The following ALKBH8 variants were observed in gnomAD, a reference collection of about 807,000 sequenced individuals.
The protein encoded by ALKBH8 is alkB homolog 8, tRNA methyltransferase, also known as tRNA (carboxymethyluridine(34)-5-O)-methyltransferase ALKBH8.
In ALKBH8, 36 loss-of-function variants were observed where a neutral mutation model predicts 59.8. The ratio of observed to expected loss-of-function variants is 0.60; its 90% CI spans 0.46 to 0.79. The LOEUF (loss-of-function observed/expected upper bound fraction) is 0.79, where lower values mean the gene tolerates loss of function less well. Among genes scored for constraint, ALKBH8 ranks in the 30% least tolerant of loss-of-function variants. The probability of loss-of-function intolerance (pLI) is 0.00; values close to 1 mark genes in which losing one functional copy is unlikely to be tolerated. For synonymous variants in ALKBH8, 276 were observed against 273.6 expected, an observed-to-expected ratio of 1.01 and a Z score of -0.09; for missense variants, 768 against 801.0, an observed-to-expected ratio of 0.96 and a Z score of 0.50.
chr11:107,544,093 T>A (rs1864155185), intron 7 of ALKBH8, among the ~76,000 whole-genome samples: 1 of 152,222 alleles, frequency 6.6e-6, no homozygotes, highest in South Asian at 2.1e-4. Flanking sequence ...TCTACTGTAG[T>A]TTTCTGAACT....
rs114284050 is a variant in ALKBH8 at position 107,505,610 on chromosome 11, C to T, written c.1438-395G>A. ...ATACTATGGAGACTTCTACTTATAG[C>T]CTTGACGAAGTTGTTTGTATTAATT... On this transcript the variant is annotated intron_variant, in intron 11 of 11. Transcript: ENST00000428149. Among the ~76,000 whole-genome samples the T allele has an allele frequency of 3.9e-3, 596 of 152,276 alleles. 3 individuals carry two copies. Among genetic ancestry groups the T allele is most frequent in the African/African-American group, 0.013 (524 of 41,550 alleles).
chr11:107,508,037 A>G (rs1862463308), intron 11 of ALKBH8, among the ~76,000 whole-genome samples: 1 of 152,158 alleles, frequency 6.6e-6, no homozygotes, highest in Non-Finnish European at 1.5e-5. Context: ...CAACACATAA[A>G]TCCAACAAAT....
intron 7 of ALKBH8, among the ~76,000 whole-genome samples, chr11:107,533,895 G>A (rs1353574930): frequency 2.0e-5 from 3 of 152,096 alleles, no homozygotes; most frequent in Non-Finnish European, 2.9e-5. Flanking sequence ...TTGGGAGGCC[G>A]AGGTGGGCAG....
intron 7 of ALKBH8, among the ~76,000 whole-genome samples, chr11:107,539,666 G>C (rs1460189378): frequency 6.6e-6 from 1 of 151,776 alleles, no homozygotes. Flanking sequence ...ATTCCTACTG[G>C]TAAGGGATGT....
intron 7 of ALKBH8, among the ~76,000 whole-genome samples, chr11:107,533,914 A>C (rs1246161905): frequency 6.6e-6 from 1 of 152,166 alleles, no homozygotes; most frequent in Non-Finnish European, 1.5e-5. Context: ...AGACCACTTG[A>C]GGTCAGGAGT....
intron 3 of ALKBH8, among the ~76,000 whole-genome samples, chr11:107,554,877 C>T (rs373213886): frequency 6.6e-5 from 10 of 152,040 alleles, no homozygotes; most frequent in African/African-American, 2.2e-4. Flanking sequence ...ATTTAGTTTC[C>T]GAAATATGTT....
intron 11 of ALKBH8, among the ~76,000 whole-genome samples, chr11:107,508,112 G>T (rs1862467870): frequency 6.6e-6 from 1 of 151,538 alleles, no homozygotes; most frequent in Admixed American, 6.6e-5. Context: ...CAGGGACTGG[G>T]TCTTCTCCAT....
intron 10 of ALKBH8, among the ~76,000 whole-genome samples, chr11:107,521,640 T>C (rs1261704112): frequency 6.6e-6 from 1 of 152,068 alleles, no homozygotes; most frequent in Non-Finnish European, 1.5e-5. Flanking sequence ...AATATCCTAC[T>C]TCTTAGCACA....
At chr11:107,555,994 A>T (rs1194542404) in intron 3 of ALKBH8, among the ~76,000 whole-genome samples, 1 of 152,160 alleles carries the variant, frequency 6.6e-6, no homozygotes, top group African/African-American at 2.4e-5. Flanking sequence ...AAGTTTTAGG[A>T]ATCAGCCGGG....
At position 107,504,725 on chromosome 11, in the gene ALKBH8, C is replaced by G; in HGVS notation, c.1928G>C (p.Ser643Thr). The change falls in exon 12 of 12, where the codon AGT becomes ACT. Residue 643 changes from serine to threonine, a missense_variant. Coordinates refer to ENST00000428149, the MANE Select transcript of ALKBH8 (RefSeq NM_138775.3). Reference sequence around the variant, plus strand: ...GTAGCTTTGCAGAATTCTGACATCACTCACAGTCCTGCAGGCACCTTCCAG... The same window carrying G: ...GTAGCTTTGCAGAATTCTGACATCAGTCACAGTCCTGCAGGCACCTTCCAG... ...GELEGACRTVSDVRILQSYYD... is the reference protein window; with the variant it reads ...GELEGACRTVTDVRILQSYYD... 2.6e-6 allele frequency: 4 copies of G among 1,551,824 alleles called. No individual in the cohort carries two copies. The South Asian group carries it at 4.8e-5, about 18-fold the overall frequency.
chr11:107,510,316 A>C (rs1316150159), intron 11 of ALKBH8, among the ~76,000 whole-genome samples: 1 of 152,150 alleles, frequency 6.6e-6, no homozygotes, highest in African/African-American at 2.4e-5. Flanking sequence ...GAAAGAAAAT[A>C]TTAAATATTA....
In ALKBH8 at chr11:107,548,894, G is replaced by A. The variant is rs545900946; in HGVS notation, c.771+859C>T. On this transcript the variant is annotated intron_variant, in intron 7 of 11. Transcript: ENST00000428149. The stretch of plus-strand genomic sequence containing the variant: ...GAGTCAGAGTCTCACTCTGTCACCC[G>A]GGCTGGAGTGCAGTGGCGCAATCTC... Among the ~76,000 whole-genome samples the A allele has an allele frequency of 1.1e-4, 17 of 150,360 alleles. No homozygotes were observed. In the East Asian group the frequency reaches 2.2e-3, roughly 19 times the overall value.
chr11:107,546,625 T>A (rs941489596), intron 7 of ALKBH8, among the ~76,000 whole-genome samples: 5 of 152,184 alleles, frequency 3.3e-5, no homozygotes, highest in Non-Finnish European at 7.4e-5. Flanking sequence ...CCTTGAGATA[T>A]CTTGTTATAT....
intron 3 of ALKBH8, 50 bp downstream of exon 3, chr11:107,556,716 A>G: frequency 2.3e-6 from 3 of 1,294,310 alleles, no homozygotes; most frequent in Non-Finnish European, 3.0e-6. Flanking sequence ...GTCTATGAAA[A>G]GAAAACACCC....
chr11:107,511,242 A>G lies in ALKBH8; in HGVS notation c.1288-206T>C, dbSNP rs141123067. On this transcript the variant is annotated intron_variant, in intron 10 of 11. Transcript: ENST00000428149. ...GGCAGCATTTATTACCTTAACAGAT[A>G]TCAAACAGAACTCCAATTAGTGAAA... Among the ~76,000 whole-genome samples the G allele has an allele frequency of 1.7e-3, 265 of 152,356 alleles. 1 individual carries two copies. The highest frequency in any genetic ancestry group is 3.7e-3 in the South Asian group (18 of 4,828).
At chr11:107,542,168 G>C (rs1864063884) in intron 7 of ALKBH8, among the ~76,000 whole-genome samples, 1 of 152,014 alleles carries the variant, frequency 6.6e-6, no homozygotes, top group African/African-American at 2.4e-5. Context: ...CAATTACTAA[G>C]CATTTTCCAA....
Position 107,554,805 on chromosome 11 carries a change from T to C in ALKBH8, c.368-827A>G, listed in dbSNP as rs191071959. ...GACATTATATTATGTATTCAAATTA[T>C]GTAAGGAAAACTTTGCAAAGAATTC... On this transcript the variant is annotated intron_variant, in intron 3 of 11. Coordinates refer to ENST00000428149, the MANE Select transcript of ALKBH8 (RefSeq NM_138775.3). 2.8e-3 allele frequency among the ~76,000 whole-genome samples: 420 copies of C among 152,362 alleles called. 4 individuals are homozygous for C. Among genetic ancestry groups the C allele is most frequent in the African/African-American group, 9.6e-3 (401 of 41,584 alleles).
In ALKBH8 at chr11:107,532,292, A is replaced by G. The variant is rs1391850179; in HGVS notation, c.878+8T>C. 3 of 1,606,950 alleles carry G rather than the reference A, an allele frequency of 1.9e-6. No homozygotes were observed. Among genetic ancestry groups the G allele is most frequent in the Non-Finnish European group, 2.6e-6 (3 of 1,174,654 alleles). ...AGAAAAAGAATCCTGTCATATTTCA[A>G]TACATACCCATGGGTCCAAAGGTAT... On this transcript the variant is annotated splice_region_variant and intron_variant, in intron 8 of 11. Coordinates refer to ENST00000428149, the MANE Select transcript of ALKBH8 (RefSeq NM_138775.3).
At chr11:107,561,040 TAAGAG>T (rs1864917402) in intron 1 of ALKBH8, 141 bp from the exon 2 acceptor site, 1 of 664,042 alleles carries the variant, frequency 1.5e-6, no homozygotes, top group African/African-American at 1.8e-5. Context: ...TTGTACCAAC[TAAGAG>T]AAGTGAGAAC....
Sources: allele counts gnomAD v4.1 joint callset (sites outside exome capture counted in the v4.1 genomes callset), GRCh38; gene constraint gnomAD v4.1.1; transcripts MANE v1.5; gene names NCBI Gene and HGNC (gene_info 2026-07-23, HGNC 2026-07-21).